PDZD2: variants seen among roughly 807,000 people sequenced by gnomAD.
PDZD2 encodes the protein PDZ domain containing 2, also known as PDZ domain-containing protein 2.
Under a neutral mutation model 220.7 loss-of-function variants are expected in PDZD2, and 90 were observed. The observed-to-expected ratio is 0.41, with a 90% confidence interval of 0.34 to 0.49. The LOEUF (loss-of-function observed/expected upper bound fraction) is 0.49. Ranked by LOEUF, PDZD2 falls within the 20% of genes least tolerant of loss-of-function variation. The probability of loss-of-function intolerance (pLI) is 0.28; values close to 1 mark genes in which losing one functional copy is unlikely to be tolerated. For missense variants in PDZD2, 3,174 were observed against 3,608.5 expected, an observed-to-expected ratio of 0.88 and a Z score of 3.08; for synonymous variants, 1,375 against 1,450.5, an observed-to-expected ratio of 0.95 and a Z score of 1.18.
chr5:32,037,924 C>T (rs1755684806), intron 7 of PDZD2, among the ~76,000 whole-genome samples: 1 of 151,684 alleles, frequency 6.6e-6, no homozygotes, highest in African/African-American at 2.4e-5. Flanking sequence ...TCACTACAAC[C>T]TCCGCCTCCC....
intron 2 of PDZD2, among the ~76,000 whole-genome samples, chr5:31,906,437 T>G (rs1742660462): frequency 1.3e-5 from 2 of 151,552 alleles, no homozygotes; most frequent in Non-Finnish European, 2.9e-5. Context: ...CTTGAACTCC[T>G]GGGCTCAAGC....
intron 1 of PDZD2, among the ~76,000 whole-genome samples, chr5:31,689,353 A>ATATATATATATTTTTTTT: frequency 3.4e-4 from 12 of 35,118 alleles, no homozygotes; most frequent in African/African-American, 1.5e-3. Context: ...ATATATATAT[A>ATATATATATATTTTTTTT]TTTTTTTTTT....
At chr5:31,784,241 G>A (rs930603017) in intron 1 of PDZD2, among the ~76,000 whole-genome samples, 2 of 152,180 alleles carry the variant, frequency 1.3e-5, no homozygotes, top group Non-Finnish European at 2.9e-5. Context: ...GCTAGCTCCT[G>A]TAGTTACACT....
At chr5:31,840,397 TA>T (rs1251458258) in intron 2 of PDZD2, 20 of 2,680 alleles carry the variant, frequency 7.5e-3, no homozygotes, top group South Asian at 0.019. Flanking sequence ...TCATTTTCAT[TA>T]TATATATATA....
At chr5:31,965,852 T>C (rs188756056) in intron 2 of PDZD2, among the ~76,000 whole-genome samples, 176 of 152,128 alleles carry the variant, frequency 1.2e-3, no homozygotes, top group African/African-American at 4.1e-3. Context: ...TGAGCCTGGA[T>C]CGCACCATTG....
chr5:32,014,109 A>T (rs1223828556), intron 6 of PDZD2, among the ~76,000 whole-genome samples: 1 of 152,218 alleles, frequency 6.6e-6, no homozygotes, highest in Non-Finnish European at 1.5e-5. Flanking sequence ...CAGCGTTTTT[A>T]AAAATGAAAG....
chr5:32,052,845 C>G (rs1738704494), intron 9 of PDZD2, 115 bp downstream of exon 9: 1 of 1,123,060 alleles, frequency 8.9e-7, no homozygotes, highest in Non-Finnish European at 1.3e-6. Flanking sequence ...GGTTCTTGCT[C>G]TGTTGCCCAG....
At chr5:31,741,192 TACACACACACACACAC>T (rs3032908) in intron 1 of PDZD2, among the ~76,000 whole-genome samples, 1 of 150,400 alleles carries the variant, frequency 6.6e-6, no homozygotes. Context: ...CAATAGTGTG[TACACACACACACACAC>T]ACACACACAC....
chr5:31,728,063 C>T (rs1362485464), intron 1 of PDZD2, among the ~76,000 whole-genome samples: 1 of 150,528 alleles, frequency 6.6e-6, no homozygotes, highest in Non-Finnish European at 1.5e-5. Context: ...TGGGCATGTG[C>T]TATAGTTGCA....
intron 8 of PDZD2, among the ~76,000 whole-genome samples, chr5:32,052,152 G>A (rs570287098): frequency 9.2e-5 from 14 of 152,264 alleles, no homozygotes; most frequent in African/African-American, 3.4e-4. Flanking sequence ...CTATTCTTCC[G>A]ATAGTTTTTT....
At position 32,088,002 on chromosome 5, in the gene PDZD2, C is replaced by G; in HGVS notation, c.4554C>G (p.Asn1518Lys). 6.2e-7 allele frequency: 1 copy of G among 1,614,210 alleles called. No homozygotes were observed. The highest frequency in any genetic ancestry group is 8.5e-7 in the Non-Finnish European group (1 of 1,180,018). Residue 1518 changes from asparagine (N) to lysine (K), a missense_variant, in exon 20 of 25, where the codon AAC (asparagine) becomes AAG (lysine). Physicochemically the swap from Asn to Lys is moderately conservative, Grantham distance 94. Around this residue, in one of 4 missense-constraint regions of PDZD2, gnomAD observed 1,861 missense variants for 2,001.0 expected, o/e 0.93. Transcript: ENST00000438447. The surrounding 1 kb of genome is among the most constrained non-coding windows in gnomAD (Gnocchi z 4.6). ...NPDKHFTVNKNFLSNYSRNFS... is the reference protein window; with the variant it reads ...NPDKHFTVNKKFLSNYSRNFS... ...ACAAACATTTTACTGTGAACAAAAA[C>G]TTTCTGAGCAACTACTCTAGAAATT...
chr5:31,823,340 C>T (rs752265288), intron 2 of PDZD2, among the ~76,000 whole-genome samples: 17 of 151,702 alleles, frequency 1.1e-4, no homozygotes, highest in Non-Finnish European at 2.5e-4. Context: ...TGGTGGCGTG[C>T]ACCTGTAATC....
intron 1 of PDZD2, among the ~76,000 whole-genome samples, chr5:31,734,245 C>T (rs919641650): frequency 2.0e-5 from 3 of 152,044 alleles, no homozygotes; most frequent in Non-Finnish European, 4.4e-5. Flanking sequence ...TCGGGGTGTT[C>T]CACTCTCCTA....
intron 1 of PDZD2, among the ~76,000 whole-genome samples, chr5:31,724,877 T>C (rs1398815787): frequency 1.3e-5 from 2 of 152,160 alleles, no homozygotes; most frequent in African/African-American, 4.8e-5. Context: ...CAAATATGAA[T>C]ATGAAAGTTT....
At position 32,098,463 on chromosome 5, in the gene PDZD2, G is replaced by C; in HGVS notation, c.8047G>C (p.Ala2683Pro). 6.2e-7 allele frequency: 1 copy of C among 1,614,170 alleles called. No individual in the cohort carries two copies. The highest frequency in any genetic ancestry group is 8.5e-7 in the Non-Finnish European group (1 of 1,180,022). The change falls in exon 23 of 25, where the codon GCC becomes CCC. Residue 2683 changes from alanine (A) to proline (P), a missense_variant. Ala to Pro is a conservative substitution (Grantham distance 27, BLOSUM62 -1). Coordinates refer to ENST00000438447, the MANE Select transcript of PDZD2 (RefSeq NM_178140.4). This position sits in a 1 kb window ranked among gnomAD's most constrained non-coding sequence, Gnocchi z 4.1. Reference protein sequence around the residue: ...SVNGASLAGLAHGNVLKVLHQ... With the variant: ...SVNGASLAGLPHGNVLKVLHQ... Reference sequence around the variant, plus strand: ...CAACGGCGCCTCACTGGCTGGCTTAGCCCACGGGAATGTCCTGAAGGTTCT... The same window carrying C: ...CAACGGCGCCTCACTGGCTGGCTTACCCCACGGGAATGTCCTGAAGGTTCT...
In PDZD2 at chr5:31,783,403, G is replaced by A. The variant is rs140435706; in HGVS notation, c.-360-15486G>A. Among the ~76,000 whole-genome samples, 395 of 152,302 alleles carry A rather than the reference G, an allele frequency of 2.6e-3. 1 individual carries two copies. Among genetic ancestry groups the A allele is most frequent in the African/African-American group, 8.7e-3 (362 of 41,566 alleles). ...TGAGCTTGCCAGGCAGGGGGCTAGA[G>A]CATCCGCATCGGGGAAGGAGGCCAA... is the stretch of plus-strand genomic sequence containing the variant. On this transcript the variant is annotated intron_variant, in intron 1 of 24. Coordinates refer to ENST00000438447, the MANE Select transcript of PDZD2 (RefSeq NM_178140.4).
At chr5:31,700,336 G>A (rs769800065) in intron 1 of PDZD2, among the ~76,000 whole-genome samples, 2 of 152,070 alleles carry the variant, frequency 1.3e-5, no homozygotes, top group Non-Finnish European at 2.9e-5. Flanking sequence ...GGTGGGGTGA[G>A]GAAAGGGCTG....
intron 2 of PDZD2, among the ~76,000 whole-genome samples, chr5:31,873,479 G>A (rs1036584276): frequency 2.0e-5 from 3 of 151,558 alleles, no homozygotes; most frequent in African/African-American, 7.3e-5. Context: ...TCACATGATT[G>A]TGGAGGATGA....
intron 1 of PDZD2, among the ~76,000 whole-genome samples, chr5:31,649,632 G>A (rs1013617711): frequency 6.6e-6 from 1 of 152,052 alleles, no homozygotes; most frequent in Non-Finnish European, 1.5e-5. Context: ...TCAAGGAAGA[G>A]GGTTTAAAAT....
Sources: allele counts gnomAD v4.1 joint callset (sites outside exome capture counted in the v4.1 genomes callset), GRCh38; gene constraint gnomAD v4.1.1; regional missense constraint gnomAD v4.1.1; non-coding constraint Gnocchi (gnomAD v3.1); transcripts MANE v1.5; gene names NCBI Gene and HGNC (gene_info 2026-07-23, HGNC 2026-07-21).